DOCK8: variants seen among roughly 807,000 people sequenced by gnomAD.
DOCK8 encodes dedicator of cytokinesis protein 8.
A neutral mutation model predicts 245.6 loss-of-function variants in DOCK8; 141 were observed. That is an observed-to-expected ratio of 0.57 (90% CI 0.50 to 0.66). The LOEUF is 0.66. Ranked by LOEUF, DOCK8 falls within the 30% of genes least tolerant of loss-of-function variation. The probability of loss-of-function intolerance (pLI) is 0.00; values close to 1 mark genes in which losing one functional copy is unlikely to be tolerated. For missense variants in DOCK8, 2,965 were observed against 2,603.4 expected (o/e 1.14, Z -3.02); for synonymous variants, 1,168 against 970.2 (o/e 1.20, Z -3.79).
intron 29 of DOCK8, 152 bp downstream of exon 29, chr9:415,103 CCAAT>C: frequency 9.1e-7 from 1 of 1,095,332 alleles, no homozygotes; most frequent in Non-Finnish European, 1.3e-6. Context: ...AACACTGGCC[CCAAT>C]CAGTTAAAAA....
chr9:248,028 C>G (rs1222341972), intron 1 of DOCK8, among the ~76,000 whole-genome samples: 1 of 149,286 alleles, frequency 6.7e-6, no homozygotes, highest in Non-Finnish European at 1.5e-5. Context: ...GCTGAGCAAA[C>G]TTTGTGTTGA....
At chr9:313,318 C>G (rs2050206728) in intron 6 of DOCK8, among the ~76,000 whole-genome samples, 1 of 152,228 alleles carries the variant, frequency 6.6e-6, no homozygotes, top group South Asian at 2.1e-4. Flanking sequence ...TTGTAACTAA[C>G]TCTCTTAAGT....
intron 34 of DOCK8, among the ~76,000 whole-genome samples, chr9:427,479 C>T (rs1295391891): frequency 6.6e-6 from 1 of 152,134 alleles, no homozygotes; most frequent in African/African-American, 2.4e-5. Context: ...ATGAATTTGC[C>T]ATCCCTGCTG....
At chr9:388,992 C>G (rs1159298561) in intron 23 of DOCK8, among the ~76,000 whole-genome samples, 1 of 152,092 alleles carries the variant, frequency 6.6e-6, no homozygotes, top group African/African-American at 2.4e-5. Flanking sequence ...TTCTTACCTA[C>G]TTTCTTACCA....
chr9:214,311 T>C (rs2046680589), upstream of DOCK8: 1 of 578,622 alleles, frequency 1.7e-6, no homozygotes, highest in Non-Finnish European at 2.9e-6. Flanking sequence ...CGCCAGGTTG[T>C]GACGAAAACA....
chr9:449,938 C>A lies in DOCK8; in HGVS notation c.5961+11C>A. The A allele has an allele frequency of 1.2e-6, 2 of 1,613,622 alleles. No homozygotes were observed. The highest frequency in any genetic ancestry group is 1.3e-5 in the African/African-American group (1 of 75,032). On this transcript the variant is annotated intron_variant, in intron 45 of 47. Transcript: ENST00000432829. ...GCTACTGTAAATCAGGTAAGCAAAA[C>A]CAGAGGTGGCAGCTCCTCTGGTTCT... is the stretch of plus-strand genomic sequence containing the variant.
chr9:331,232 T>G (rs75865396), intron 9 of DOCK8, among the ~76,000 whole-genome samples: 5,085 of 152,304 alleles, frequency 0.033, 110 homozygotes, highest in Middle Eastern at 0.071. Flanking sequence ...CGATTGCTGA[T>G]TAGCAGGAAT....
intron 40 of DOCK8, 71 bp from the exon 41 acceptor site, chr9:441,215 T>C: frequency 1.9e-6 from 3 of 1,594,682 alleles, no homozygotes; most frequent in Non-Finnish European, 2.6e-6. Flanking sequence ...GTTTGGACAA[T>C]GACCTCTGGT....
intron 46 of DOCK8, chr9:459,840 A>G (rs1462691030): frequency 6.6e-6 from 1 of 152,236 alleles, no homozygotes; most frequent in Non-Finnish European, 1.5e-5. Flanking sequence ...TAGGGTAACT[A>G]GACTTGTCAC....
chr9:358,973 C>G (rs10814180), intron 14 of DOCK8, among the ~76,000 whole-genome samples: 30,777 of 152,180 alleles, frequency 0.2, 3,313 homozygotes, highest in Middle Eastern at 0.29. Flanking sequence ...CAAACCAGTT[C>G]TCTTGGGTCA....
intron 41 of DOCK8, 23 bp downstream of exon 41, chr9:441,440 A>T (rs535735040): frequency 6.2e-7 from 1 of 1,614,050 alleles, no homozygotes; most frequent in Admixed American, 1.7e-5. Context: ...CCTGGCTGGC[A>T]GGTCTTGTTA....
At chr9:426,742 A>C (rs1410666652) in intron 33 of DOCK8, 143 bp from the exon 34 acceptor site, 1 of 711,146 alleles carries the variant, frequency 1.4e-6, no homozygotes. Flanking sequence ...CCTGCACTGT[A>C]GTTACTCAGG....
chr9:373,216 C>T (rs2053376472), intron 18 of DOCK8, among the ~76,000 whole-genome samples: 1 of 152,002 alleles, frequency 6.6e-6, no homozygotes, highest in African/African-American at 2.4e-5. Context: ...GACTGTCCAC[C>T]CTGACTGCAC....
chr9:436,563 A>G (rs2056909805), intron 39 of DOCK8, among the ~76,000 whole-genome samples: 1 of 152,210 alleles, frequency 6.6e-6, no homozygotes, highest in Admixed American at 6.5e-5. Flanking sequence ...TATCACTTAA[A>G]TATCAATTGC....
chr9:244,142 C>T (rs1283426858), intron 1 of DOCK8, among the ~76,000 whole-genome samples: 6 of 147,062 alleles, frequency 4.1e-5, no homozygotes, highest in South Asian at 4.3e-4. Context: ...GAGCAGAGAT[C>T]GCGCCACTGC....
intron 2 of DOCK8, among the ~76,000 whole-genome samples, chr9:283,068 T>C (rs1025398277): frequency 6.6e-6 from 1 of 152,184 alleles, no homozygotes; most frequent in African/African-American, 2.4e-5. Flanking sequence ...GGTGTTTTGA[T>C]TATTTCAAAA....
At chr9:383,927 G>A (rs1037166238) in intron 22 of DOCK8, among the ~76,000 whole-genome samples, 1 of 151,916 alleles carries the variant, frequency 6.6e-6, no homozygotes, top group Admixed American at 6.6e-5. Context: ...CATTCAAATG[G>A]TACTTTTGGC....
At chr9:365,709 CA>C (rs1393790164) in intron 14 of DOCK8, 1 of 438,606 alleles carries the variant, frequency 2.3e-6, no homozygotes, top group Non-Finnish European at 4.5e-6. Context: ...CTAAAAGAAG[CA>C]AAAGCTGGAT....
chr9:311,545 C>T (rs530383622), intron 5 of DOCK8, among the ~76,000 whole-genome samples: 3 of 152,118 alleles, frequency 2.0e-5, no homozygotes, highest in African/African-American at 7.2e-5. Flanking sequence ...AACCACTGCA[C>T]CTGGCCCAGT....
Sources: allele counts gnomAD v4.1 joint callset (sites outside exome capture counted in the v4.1 genomes callset), GRCh38; gene constraint gnomAD v4.1.1; transcripts MANE v1.5; gene names NCBI Gene and HGNC (gene_info 2026-07-23, HGNC 2026-07-21).